Variants in JMJD1C observed in about 807,000 individuals in gnomAD.
The protein encoded by JMJD1C is jumonji domain-containing protein 1C.
Under a neutral mutation model 245.3 loss-of-function variants are expected in JMJD1C, and 31 were observed. The ratio of observed to expected loss-of-function variants is 0.13; its 90% CI spans 0.09 to 0.17. The LOEUF is 0.17. JMJD1C is among the 10% of genes least tolerant of loss of function. The probability of loss-of-function intolerance (pLI) is 1.00; values close to 1 mark genes in which losing one functional copy is unlikely to be tolerated. For missense variants in JMJD1C, 2,691 were observed against 3,000.2 expected, an observed-to-expected ratio of 0.90 and a Z score of 2.41; for synonymous variants, 1,057 against 1,017.4, an observed-to-expected ratio of 1.04 and a Z score of -0.74.
intron 3 of JMJD1C, among the ~76,000 whole-genome samples, chr10:63,239,098 T>G (rs1475534447): frequency 6.6e-6 from 1 of 152,184 alleles, no homozygotes; most frequent in Non-Finnish European, 1.5e-5. Context: ...GAAACCAAGG[T>G]TTTTGAGTTG....
intron 1 of JMJD1C, chr10:63,465,202 C>A: frequency 2.6e-6 from 1 of 383,878 alleles, no homozygotes; most frequent in South Asian, 6.7e-5. Context: ...TCTCCGTGGC[C>A]GCCCAGGCGC....
intron 3 of JMJD1C, 141 bp downstream of exon 3, chr10:63,264,510 C>A: frequency 1.9e-6 from 1 of 537,186 alleles, no homozygotes. Flanking sequence ...TAAGCAAAAT[C>A]AACTGACTGC....
At chr10:63,205,154 T>C (rs1173778120) in intron 10 of JMJD1C, 1 of 389,420 alleles carries the variant, frequency 2.6e-6, no homozygotes, top group Admixed American at 6.4e-5. Flanking sequence ...ACAAAGGATA[T>C]ATAATCAGTT....
At chr10:63,442,135 A>C (rs773563253) in intron 1 of JMJD1C, among the ~76,000 whole-genome samples, 1 of 152,220 alleles carries the variant, frequency 6.6e-6, no homozygotes, top group Non-Finnish European at 1.5e-5. Flanking sequence ...AATACTGTCC[A>C]AAGATTCAGG....
chr10:63,415,536 C>A (rs1179224555), intron 1 of JMJD1C, among the ~76,000 whole-genome samples: 1 of 152,076 alleles, frequency 6.6e-6, no homozygotes, highest in Non-Finnish European at 1.5e-5. Context: ...TTTAATTTAG[C>A]ATATTCTTAG....
At chr10:63,446,021 G>A (rs953329645) in intron 1 of JMJD1C, among the ~76,000 whole-genome samples, 8 of 151,720 alleles carry the variant, frequency 5.3e-5, no homozygotes, top group African/African-American at 1.7e-4. Context: ...GTCTACAGGT[G>A]CGTGCCACCA....
rs1157421822 is a variant in JMJD1C, at chr10:63,452,578, G to A, written c.168+12917C>T. On this transcript the variant is annotated intron_variant, in intron 1 of 25. Coordinates refer to ENST00000399262, the MANE Select transcript of JMJD1C (RefSeq NM_032776.3). The stretch of plus-strand genomic sequence containing the variant: ...ATATGATCCAGCAATTCCAATTCTG[G>A]GTACATACCCCAAGGAAGTAAAAAG... Among the ~76,000 whole-genome samples, 4 of 152,018 alleles carry A rather than the reference G, an allele frequency of 2.6e-5. No individual in the cohort carries two copies. In the East Asian group the frequency reaches 7.7e-4, roughly 29 times the overall value.
At chr10:63,392,428 A>T (rs1948126769) in intron 1 of JMJD1C, among the ~76,000 whole-genome samples, 1 of 152,180 alleles carries the variant, frequency 6.6e-6, no homozygotes, top group South Asian at 2.1e-4. Context: ...ATGAAGAGAC[A>T]ACCTGTTGAA....
At chr10:63,402,499 C>G (rs1397461720) in intron 1 of JMJD1C, among the ~76,000 whole-genome samples, 1 of 152,120 alleles carries the variant, frequency 6.6e-6, no homozygotes, top group Non-Finnish European at 1.5e-5. Context: ...AATGCCTTAT[C>G]CCCATTCCCA....
chr10:63,446,034 C>T (rs1350716762), intron 1 of JMJD1C, among the ~76,000 whole-genome samples: 1 of 151,748 alleles, frequency 6.6e-6, no homozygotes, highest in Non-Finnish European at 1.5e-5. Flanking sequence ...TGCCACCACG[C>T]CTAGCTAATT....
intron 1 of JMJD1C, among the ~76,000 whole-genome samples, chr10:63,453,513 G>C (rs552073657): frequency 4.6e-5 from 7 of 152,084 alleles, no homozygotes; most frequent in Non-Finnish European, 1.0e-4. Flanking sequence ...TATAGCAAAA[G>C]ACACAGACAT....
At chr10:63,172,892 G>C (rs1038615382) in intron 24 of JMJD1C, among the ~76,000 whole-genome samples, 8 of 146,132 alleles carry the variant, frequency 5.5e-5, no homozygotes, top group Non-Finnish European at 1.1e-4. Context: ...GGAACTAGGA[G>C]AGCCATACGA....
intron 3 of JMJD1C, among the ~76,000 whole-genome samples, chr10:63,245,359 A>T (rs988812383): frequency 2.0e-5 from 3 of 151,902 alleles, no homozygotes; most frequent in African/African-American, 7.3e-5. Flanking sequence ...AAGATTTAAT[A>T]GACTTACAGT....
In JMJD1C at chr10:63,333,541, GAA is replaced by G. The variant is rs1423889040; in HGVS notation, c.333+46775_333+46776del. On this transcript the variant is annotated intron_variant, in intron 2 of 25. Coordinates refer to ENST00000399262, the MANE Select transcript of JMJD1C (RefSeq NM_032776.3). ...AAGTGAGACCCTATCTCAAAAAAAA[GAA>G]AAAAGAGAGAGAAAGAAAGGCAAAA... 4.0e-5 allele frequency among the ~76,000 whole-genome samples: 6 copies of G among 151,722 alleles called. No homozygotes were observed. The East Asian group carries it at 1.2e-3, about 29-fold the overall frequency.
chr10:63,402,455 A>G (rs977667450), intron 1 of JMJD1C, among the ~76,000 whole-genome samples: 3 of 152,132 alleles, frequency 2.0e-5, no homozygotes, highest in Non-Finnish European at 4.4e-5. Context: ...GATATGTAAC[A>G]CTCATCTGAA....
At chr10:63,201,029 C>A (rs535819219) in intron 10 of JMJD1C, among the ~76,000 whole-genome samples, 93 of 152,228 alleles carry the variant, frequency 6.1e-4, no homozygotes, top group South Asian at 3.5e-3. Context: ...AAAATACAGT[C>A]CTTCTATACC....
intron 1 of JMJD1C, among the ~76,000 whole-genome samples, chr10:63,506,133 T>G (rs1333543945): frequency 6.6e-6 from 1 of 152,184 alleles, no homozygotes; most frequent in African/African-American, 2.4e-5. Flanking sequence ...TATTAACATG[T>G]GAGTGTACTC....
chr10:63,302,949 T>C (rs1860277101), intron 2 of JMJD1C, among the ~76,000 whole-genome samples: 1 of 152,190 alleles, frequency 6.6e-6, no homozygotes, highest in Non-Finnish European at 1.5e-5. Context: ...CTGTTGCCTA[T>C]CATAGCTCAC....
intron 2 of JMJD1C, among the ~76,000 whole-genome samples, chr10:63,314,110 G>A (rs1040864415): frequency 5.3e-5 from 8 of 152,144 alleles, no homozygotes; most frequent in Admixed American, 3.3e-4. Context: ...GGTGAGAGAC[G>A]AGGATCCAGT....
Sources: allele counts gnomAD v4.1 joint callset (sites outside exome capture counted in the v4.1 genomes callset), GRCh38; gene constraint gnomAD v4.1.1; transcripts MANE v1.5; gene names NCBI Gene and HGNC (gene_info 2026-07-23, HGNC 2026-07-21).